The following MUC22 variants were observed in gnomAD, a reference collection of about 807,000 sequenced individuals.
MUC22 encodes the protein mucin 22.
A neutral mutation model predicts 40.3 loss-of-function variants in MUC22; 24 were observed. The observed-to-expected ratio is 0.60, with a 90% CI of 0.43 to 0.84. The LOEUF is 0.84. Among genes scored for constraint, MUC22 ranks in the 40% least tolerant of loss-of-function variants. The pLI is 0.00. For missense variants in MUC22, 1,926 were observed against 2,130.7 expected (o/e 0.90, Z 1.89); for synonymous variants, 765 against 844.5 (o/e 0.91, Z 1.63).
At chr6:31,021,873 T>C (rs1227137358) in intron 1 of MUC22, among the ~76,000 whole-genome samples, 1 of 151,588 alleles carries the variant, frequency 6.6e-6, no homozygotes, top group African/African-American at 2.4e-5. Context: ...GGAAACTTTG[T>C]TCTTTTGCTC....
exon 2 of MUC22, chr6:31,025,658 C>G (rs1186364373): frequency 6.5e-7 from 1 of 1,533,060 alleles, no homozygotes; most frequent in East Asian, 2.5e-5. Flanking sequence ...TCTGAGACAA[C>G]CTCAGCCTCC....
At chr6:31,020,606 G>C (rs9262502) in intron 1 of MUC22, among the ~76,000 whole-genome samples, 22,077 of 152,104 alleles carry the variant, frequency 0.15, 1,763 homozygotes, top group African/African-American at 0.19. Context: ...CTCTGCCTGG[G>C]CTCCCACTTT....
intron 3 of MUC22, among the ~76,000 whole-genome samples, chr6:31,034,119 G>A (rs915516703): frequency 6.6e-6 from 1 of 152,212 alleles, no homozygotes; most frequent in Non-Finnish European, 1.5e-5. Flanking sequence ...CATCTTACAA[G>A]TAAGGGATCT....
At chr6:31,024,748 C>T (rs750791797) in intron 1 of MUC22, among the ~76,000 whole-genome samples, 1 of 152,178 alleles carries the variant, frequency 6.6e-6, no homozygotes, top group Non-Finnish European at 1.5e-5. Context: ...TAACTACATT[C>T]CAGCCACCCT....
chr6:31,034,767 TG>T lies in MUC22; in HGVS notation c.5154del (p.Thr1719HisfsTer33). 6.5e-7 allele frequency: 1 copy of T among 1,535,726 alleles called. No homozygotes were observed. The highest frequency in any genetic ancestry group is 2.4e-5 in the East Asian group (1 of 40,922). On this transcript the variant is annotated frameshift_variant, in exon 4 of 4. Coordinates refer to ENST00000561890, the Ensembl canonical transcript of MUC22. LOFTEE classifies it low-confidence loss of function (END_TRUNC). ...TGGACCTGAACTTGGGCCTGGGCTC[TG>T]GGACATTCCACAGCCTGGGAAATGC...
chr6:31,021,294 CTG>C (rs759060652), intron 1 of MUC22, among the ~76,000 whole-genome samples: 5 of 152,132 alleles, frequency 3.3e-5, no homozygotes, highest in African/African-American at 1.2e-4. Flanking sequence ...AATGGACACT[CTG>C]TATCTAGCTG....
intron 1 of MUC22, among the ~76,000 whole-genome samples, chr6:31,021,825 CA>C (rs1764774870): frequency 6.6e-6 from 1 of 152,158 alleles, no homozygotes; most frequent in South Asian, 2.1e-4. Context: ...CTGCCCGAGC[CA>C]GCAGTGGCAA....
At chr6:31,021,889 A>T (rs1249355177) in intron 1 of MUC22, among the ~76,000 whole-genome samples, 1 of 149,994 alleles carries the variant, frequency 6.7e-6, no homozygotes, top group Non-Finnish European at 1.5e-5. Flanking sequence ...TGCTCTTTGC[A>T]ATAGATTTTG....
Position 31,032,258 on chromosome 6 carries a change from G to T in MUC22, c.4732G>T (p.Asp1578Tyr). Residue 1578 changes from aspartate to tyrosine, a missense_variant, in exon 3 of 4, where the codon GAC becomes TAC. Physicochemically the swap from Asp to Tyr is radical, Grantham distance 160. Around this residue, in one of 3 missense-constraint regions of MUC22, gnomAD observed 610 missense variants for 714.6 expected, o/e 0.85. Transcript: ENST00000561890. This position sits in a 1 kb window ranked among gnomAD's most constrained non-coding sequence, Gnocchi z 4.1. ...CTCTGTCACCATGGCCCCTGGAATG[G>T]ACTTCACGGCCTCTGCTGCCAGCCA... is the stretch of plus-strand genomic sequence containing the variant. 6.5e-7 allele frequency: 1 copy of T among 1,535,636 alleles called. No individual in the cohort carries two copies. The highest frequency in any genetic ancestry group is 2.0e-5 in the Admixed American group (1 of 50,992).
upstream of MUC22, among the ~76,000 whole-genome samples, chr6:31,006,748 A>G (rs781089692): frequency 5.3e-5 from 8 of 152,244 alleles, no homozygotes; most frequent in Non-Finnish European, 1.2e-4. Context: ...GAGAGAGACC[A>G]GTAGAATAAT....
chr6:31,033,361 C>T (rs1766218411), intron 3 of MUC22, among the ~76,000 whole-genome samples: 1 of 152,042 alleles, frequency 6.6e-6, no homozygotes, highest in South Asian at 2.1e-4. Flanking sequence ...AAGAAAGAAG[C>T]ATAAAAATGT....
exon 2 of MUC22, chr6:31,029,364 A>C: frequency 6.5e-7 from 1 of 1,535,126 alleles, no homozygotes; most frequent in South Asian, 1.2e-5. Context: ...CCTCTACTGA[A>C]GGCTCTGAGA....
At chr6:31,026,224 T>C in exon 2 of MUC22, 1 of 1,529,766 alleles carries the variant, frequency 6.5e-7, no homozygotes, top group Non-Finnish European at 8.7e-7. Context: ...CGCTGCAGGC[T>C]CTAACACCAC....
rs112946944 is a variant in MUC22 at position 31,030,375 on chromosome 6, G to A, written c.4669+275G>A. ...TACTAAAAATACAAAAAATTAGCTG[G>A]GCGTGGTGGCGGGCACCTGTAGTCC... is the stretch of plus-strand genomic sequence containing the variant. On this transcript the variant is annotated intron_variant, in intron 2 of 3. Transcript: ENST00000561890. Among the ~76,000 whole-genome samples the A allele has an allele frequency of 1.5e-3, 230 of 152,240 alleles. 1 individual carries two copies. Among genetic ancestry groups the A allele is most frequent in the African/African-American group, 5.4e-3 (226 of 41,530 alleles).
intron 1 of MUC22, among the ~76,000 whole-genome samples, chr6:31,013,166 G>T (rs4713406): frequency 0.063 from 7,989 of 127,816 alleles, 299 homozygotes; most frequent in East Asian, 0.17. Context: ...TGGCTCTGTC[G>T]CCCAGGCTAG....
intron 1 of MUC22, among the ~76,000 whole-genome samples, chr6:31,013,956 C>T (rs1201077830): frequency 6.6e-6 from 1 of 152,198 alleles, no homozygotes; most frequent in Non-Finnish European, 1.5e-5. Context: ...ACTCCCCCTA[C>T]ACACTTACTG....
exon 2 of MUC22, chr6:31,030,064 G>C (rs929540951): frequency 6.5e-7 from 1 of 1,534,522 alleles, no homozygotes; most frequent in Admixed American, 2.0e-5. Context: ...GGCCACTGAC[G>C]TTTCTATCCA....
chr6:31,031,652 T>C (rs545647199), intron 2 of MUC22, among the ~76,000 whole-genome samples: 1 of 152,270 alleles, frequency 6.6e-6, no homozygotes, highest in Admixed American at 6.5e-5. Flanking sequence ...TGAAGTCTTT[T>C]ATCCCTCGCC....
chr6:31,027,245 C>T, exon 2 of MUC22: 2 of 1,446,538 alleles, frequency 1.4e-6, no homozygotes, highest in East Asian at 2.6e-5. Context: ...GGCTCTGAGA[C>T]CACCACAGCC....
Sources: allele counts gnomAD v4.1 joint callset (sites outside exome capture counted in the v4.1 genomes callset), GRCh38; gene constraint gnomAD v4.1.1; regional missense constraint gnomAD v4.1.1; non-coding constraint Gnocchi (gnomAD v3.1); transcripts MANE v1.5; gene names NCBI Gene and HGNC (gene_info 2026-07-23, HGNC 2026-07-21).